The following TMEM269 variants were observed in gnomAD, a reference collection of about 807,000 sequenced individuals.
TMEM269 encodes the protein transmembrane protein 269.
A neutral mutation model predicts 15.8 loss-of-function variants in TMEM269; 12 were observed. The observed-to-expected ratio is 0.76, with a 90% confidence interval of 0.49 to 1.23. TMEM269 has a LOEUF of 1.23. Ranked by LOEUF, TMEM269 falls within the 50% of genes most tolerant of loss-of-function variation. The probability of loss-of-function intolerance (pLI) is 0.00; values close to 1 mark genes in which losing one functional copy is unlikely to be tolerated. For synonymous variants in TMEM269, 93 were observed against 99.3 expected, an observed-to-expected ratio of 0.94 and a Z score of 0.38; for missense variants, 211 against 245.4, an observed-to-expected ratio of 0.86 and a Z score of 0.94.
Position 42,788,606 on chromosome 1 carries a change from C to T in TMEM269, c.-98-1190C>T, listed in dbSNP as rs972011260. Among the ~76,000 whole-genome samples, 7 of 152,152 alleles carry T rather than the reference C, an allele frequency of 4.6e-5. No individual in the cohort carries two copies. Among genetic ancestry groups the T allele is most frequent in the African/African-American group, 1.7e-4 (7 of 41,428 alleles). On this transcript the variant is annotated intron_variant, in intron 1 of 5. Transcript: ENST00000637012. This position sits in a 1 kb window ranked among gnomAD's most constrained non-coding sequence, Gnocchi z 4.0. ...GGGGGGCCTGGGCTGGACGGTCCCA[C>T]ACACACAGGGAGGCTGCTGCTGCCT...
In TMEM269 at chr1:42,793,605, C is replaced by G; in HGVS notation, c.144C>G (p.Ala48=). Residue 48 remains alanine, a synonymous_variant, in exon 4 of 6, where the codon GCC becomes GCG. Coordinates refer to ENST00000637012, the MANE Select transcript of TMEM269 (RefSeq NM_001354602.2). ...SHINICSKLG[A]ELNDFAVFTT... Reference sequence around the variant, plus strand: ...ACCTTGGGCCGTCTGGGGCAGGAGCCGAGCTGAATGACTTTGCCGTCTTCA... The same window carrying G: ...ACCTTGGGCCGTCTGGGGCAGGAGCGGAGCTGAATGACTTTGCCGTCTTCA... 1 of 1,549,314 alleles carries G rather than the reference C, an allele frequency of 6.5e-7. No homozygotes were observed. The highest frequency in any genetic ancestry group is 1.7e-4 in the Middle Eastern group (1 of 5,978).
At chr1:42,792,729 A>G in intron 2 of TMEM269, 76 bp from the exon 3 acceptor site, 3 of 837,582 alleles carry the variant, frequency 3.6e-6, no homozygotes, top group Non-Finnish European at 6.0e-6. Flanking sequence ...TAATATACTA[A>G]TGGGGGGCAG....
chr1:42,787,460 C>T (rs546836922), intron 1 of TMEM269, among the ~76,000 whole-genome samples: 21 of 151,350 alleles, frequency 1.4e-4, no homozygotes, highest in Admixed American at 2.6e-4. Flanking sequence ...ATTAGCCGGG[C>T]GCGGTGGCGG....
chr1:42,798,029 G>A, intron 5 of TMEM269, 69 bp from the exon 6 acceptor site: 3 of 1,523,550 alleles, frequency 2.0e-6, no homozygotes, highest in Non-Finnish European at 2.7e-6. Context: ...GGGGACGGGA[G>A]AGTAGAGGGT....
chr1:42,798,178 C>T lies in TMEM269; in HGVS notation c.565C>T (p.Pro189Ser). ...LMWSLSYIFF[P>S]DALWGKAACL... ...GTGGTCGCTCTCGTACATCTTCTTTCCAGATGCTCTGTGGGGCAAGGCAGC... is the reference window on the plus strand; with the variant it reads ...GTGGTCGCTCTCGTACATCTTCTTTTCAGATGCTCTGTGGGGCAAGGCAGC... The change falls in exon 6 of 6, where the codon CCA becomes TCA. Residue 189 changes from proline (P) to serine (S), a missense_variant. Transcript: ENST00000637012. The T allele has an allele frequency of 3.9e-6, 6 of 1,549,902 alleles. No homozygotes were observed. The highest frequency in any genetic ancestry group is 3.6e-5 in the South Asian group (3 of 84,058).
rs550100919 is a variant in TMEM269, at chr1:42,792,991, C to T, written c.139+89C>T. 1.1e-4 allele frequency: 115 copies of T among 1,028,560 alleles called. No homozygotes were observed. The African/African-American group carries it at 1.8e-3, about 16-fold the overall frequency. The allele number at this position is 1,028,560 out of a possible 1,614,324, so 63.7% of individuals were successfully genotyped here. On this transcript the variant is annotated intron_variant, in intron 3 of 5. Coordinates refer to ENST00000637012, the MANE Select transcript of TMEM269 (RefSeq NM_001354602.2). ...CGTCCATCCTCTAACATCCCGCAGGCCTTCATCAGGCATCCACCCCTGTTC... is the reference window on the plus strand; with the variant it reads ...CGTCCATCCTCTAACATCCCGCAGGTCTTCATCAGGCATCCACCCCTGTTC...
At chr1:42,789,217 C>T (rs1653603248) in intron 1 of TMEM269, 3 of 567,686 alleles carry the variant, frequency 5.3e-6, no homozygotes, top group Non-Finnish European at 9.5e-6. Flanking sequence ...GCCACCGTGT[C>T]CGGCTACACA....
At position 42,793,647 on chromosome 1, in the gene TMEM269, C is replaced by T; in HGVS notation, c.186C>T (p.Ala62=). The T allele has an allele frequency of 1.9e-6, 3 of 1,550,574 alleles. No homozygotes were observed. The highest frequency in any genetic ancestry group is 1.2e-5 in the South Asian group (1 of 84,064). ...DFAVFTTFGL[A]SALLLGVDGL... Reference sequence around the variant, plus strand: ...CCGTCTTCACCACCTTCGGCTTGGCCTCCGCTCTGCTCCTAGGCGTGGATG... The same window carrying T: ...CCGTCTTCACCACCTTCGGCTTGGCTTCCGCTCTGCTCCTAGGCGTGGATG... The change falls in exon 4 of 6, where the codon GCC becomes GCT. Residue 62 remains alanine, a synonymous_variant. Transcript: ENST00000637012.
chr1:42,798,592 C>T lies in TMEM269; in HGVS notation c.*367C>T. The stretch of plus-strand genomic sequence containing the variant: ...GAGCCTTCAGAACTGGTATTGGCCT[C>T]AGCCTCAGCCCTGCCTGGTGGGGCT... On this transcript the variant is annotated 3_prime_UTR_variant, in exon 6 of 6. Coordinates refer to ENST00000637012, the MANE Select transcript of TMEM269 (RefSeq NM_001354602.2). The T allele has an allele frequency of 4.7e-6, 1 of 211,104 alleles. No homozygotes were observed. The highest frequency in any genetic ancestry group is 1.0e-4 in the East Asian group (1 of 9,558). The allele number at this position is 211,104 out of a possible 1,614,324, so 13.1% of individuals were successfully genotyped here.
Position 42,798,157 on chromosome 1 carries a change from T to G in TMEM269, c.544T>G (p.Ser182Ala), listed in dbSNP as rs1416449632. ...GTCTGCTTTTTACTGCCTGATGTGG[T>G]CGCTCTCGTACATCTTCTTTCCAGA... ...SLSAFYCLMW[S>A]LSYIFFPDAL... is the part of the protein sequence containing the mutation. The change falls in exon 6 of 6, where the codon TCG becomes GCG. Residue 182 changes from serine (S) to alanine (A), a missense_variant. Coordinates refer to ENST00000637012, the MANE Select transcript of TMEM269 (RefSeq NM_001354602.2). 6.4e-7 allele frequency: 1 copy of G among 1,550,768 alleles called. No individual in the cohort carries two copies. Among genetic ancestry groups the G allele is most frequent in the African/African-American group, 1.4e-5 (1 of 73,156 alleles).
At chr1:42,789,706 G>A (rs532063723) in intron 1 of TMEM269, 90 bp from the exon 2 acceptor site, 290 of 844,432 alleles carry the variant, frequency 3.4e-4, no homozygotes, top group Non-Finnish European at 5.2e-4. Context: ...GTGCCATTCT[G>A]GGATGAGATC....
intron 5 of TMEM269, among the ~76,000 whole-genome samples, chr1:42,794,927 C>T (rs1557593225): frequency 1.3e-5 from 2 of 152,164 alleles, no homozygotes. Flanking sequence ...CCACCGTGTG[C>T]CAGGTACTGG....
chr1:42,793,048 C>A (rs1653727867), intron 3 of TMEM269, 146 bp downstream of exon 3: 1 of 694,892 alleles, frequency 1.4e-6, no homozygotes, highest in Non-Finnish European at 2.5e-6. Flanking sequence ...CAGCAGCAGC[C>A]CTGGAGCAGG....
At chr1:42,790,213 A>G (rs1442582071) in intron 2 of TMEM269, among the ~76,000 whole-genome samples, 1 of 152,154 alleles carries the variant, frequency 6.6e-6, no homozygotes, top group East Asian at 1.9e-4. Context: ...CATATTTTCT[A>G]ATTCTTAGAT....
Position 42,789,804 on chromosome 1 carries a change from A to AC in TMEM269, c.-88dup. On this transcript the variant is annotated 5_prime_UTR_variant, in exon 2 of 6. An upstream open reading frame in the 5' UTR gains an earlier in-frame stop. Coordinates refer to ENST00000637012, the MANE Select transcript of TMEM269 (RefSeq NM_001354602.2). ...TCTCTCTTGGGCCCCAGGTAAGGGT[A>AC]CCAGTTTCTTCCTGAGCCATGACCA... 1 of 1,513,902 alleles carries AC rather than the reference A, an allele frequency of 6.6e-7. No individual in the cohort carries two copies. The highest frequency in any genetic ancestry group is 2.0e-5 in the Admixed American group (1 of 50,958). 93.8% of individuals were successfully genotyped at this position (1,513,902 alleles called of 1,614,324 possible). A position where few individuals can be genotyped will look rare whatever the true frequency, so the allele number is the denominator to read the frequency against.
Position 42,797,948 on chromosome 1 carries a change from G to A in TMEM269, c.485-150G>A. 1.3e-5 allele frequency: 11 copies of A among 857,530 alleles called. No homozygotes were observed. The highest frequency in any genetic ancestry group is 1.9e-5 in the Non-Finnish European group (10 of 519,032). The allele number at this position is 857,530 out of a possible 1,614,324, so 53.1% of individuals were successfully genotyped here. On this transcript the variant is annotated intron_variant, in intron 5 of 5. Transcript: ENST00000637012. The surrounding 1 kb of genome is among the most constrained non-coding windows in gnomAD (Gnocchi z 4.9). ...TACCTATCTCTATTAAACTGAACTTGAAGACAGGGCTCCTGTCTCTTTCTG... is the reference window on the plus strand; with the variant it reads ...TACCTATCTCTATTAAACTGAACTTAAAGACAGGGCTCCTGTCTCTTTCTG...
chr1:42,793,553 C>T (rs1653738303), intron 3 of TMEM269, 48 bp from the exon 4 acceptor site: 2 of 1,517,714 alleles, frequency 1.3e-6, no homozygotes, highest in Non-Finnish European at 1.8e-6. Flanking sequence ...GGCTAAGGTG[C>T]AAGACGTGGG....
rs1261212107 is a variant in TMEM269 at position 42,792,825 on chromosome 1, G to A, written c.62G>A (p.Arg21Gln). The A allele has an allele frequency of 4.5e-6, 7 of 1,550,472 alleles. No homozygotes were observed. Among genetic ancestry groups the A allele is most frequent in the Middle Eastern group, 1.7e-4 (1 of 5,998 alleles). ...TTTAGGAAATGCCACTATGCCTCCCGGATGCTCCTGGTCAGCTTCCTGTTA... is the reference window on the plus strand; with the variant it reads ...TTTAGGAAATGCCACTATGCCTCCCAGATGCTCCTGGTCAGCTTCCTGTTA... ...SFSRKCHYAS[R>Q]MLLVSFLLDM... The change falls in exon 3 of 6, where the codon CGG becomes CAG. Residue 21 changes from arginine to glutamine, a missense_variant. Physicochemically the swap from Arg to Gln is conservative, Grantham distance 43. Transcript: ENST00000637012.
chr1:42,798,400 T>C lies in TMEM269; in HGVS notation c.*175T>C. On this transcript the variant is annotated 3_prime_UTR_variant, in exon 6 of 6. Coordinates refer to ENST00000637012, the MANE Select transcript of TMEM269 (RefSeq NM_001354602.2). ...AGCAGGGTCAGTGAACTTCACTTCT[T>C]TGTCTTTATTCAGGGTTCTGACTCC... The C allele has an allele frequency of 1.3e-6, 1 of 759,050 alleles. No individual in the cohort carries two copies. Among genetic ancestry groups the C allele is most frequent in the Non-Finnish European group, 2.1e-6 (1 of 484,854 alleles). 47.0% of individuals were successfully genotyped at this position (759,050 alleles called of 1,614,324 possible). A position where few individuals can be genotyped will look rare whatever the true frequency, so the allele number is the denominator to read the frequency against.
Sources: allele counts gnomAD v4.1 joint callset (sites outside exome capture counted in the v4.1 genomes callset), GRCh38; gene constraint gnomAD v4.1.1; non-coding constraint Gnocchi (gnomAD v3.1); transcripts MANE v1.5; gene names NCBI Gene and HGNC (gene_info 2026-07-23, HGNC 2026-07-21).